The following TMEM132B variants were observed in gnomAD, a reference collection of about 807,000 sequenced individuals.
The protein encoded by TMEM132B is transmembrane protein 132B.
In TMEM132B, 18 loss-of-function variants were observed where a neutral mutation model predicts 90.8. The ratio of observed to expected loss-of-function variants is 0.20; its 90% CI spans 0.14 to 0.29. TMEM132B has a LOEUF of 0.29. TMEM132B is among the 10% of genes least tolerant of loss of function. The pLI, the probability that TMEM132B is intolerant of heterozygous loss-of-function variation, is 1.00. For missense variants in TMEM132B, 1,096 were observed against 1,326.8 expected (o/e 0.83, Z 2.70); for synonymous variants, 504 against 523.3 (o/e 0.96, Z 0.50).
Position 125,469,960 on chromosome 12 carries a change from G to A in TMEM132B, c.1107-49479G>A, listed in dbSNP as rs548035833. Among the ~76,000 whole-genome samples the A allele has an allele frequency of 1.1e-4, 17 of 152,136 alleles. 1 individual carries two copies. Among genetic ancestry groups the A allele is most frequent in the Non-Finnish European group, 2.4e-4 (16 of 68,026 alleles). The stretch of plus-strand genomic sequence containing the variant: ...TGTTTAGCAGTGGGTCATCACCAAG[G>A]CAGGGAGGCTGCATCACTCCCAATA... On this transcript the variant is annotated intron_variant, in intron 3 of 8. Transcript: ENST00000682704.
intron 4 of TMEM132B, among the ~76,000 whole-genome samples, chr12:125,550,665 G>C (rs1884204585): frequency 6.6e-6 from 1 of 152,082 alleles, no homozygotes; most frequent in Non-Finnish European, 1.5e-5. Context: ...AGCTGATTAG[G>C]GTATTAAGTG....
intron 3 of TMEM132B, among the ~76,000 whole-genome samples, chr12:125,499,022 G>A (rs982052116): frequency 6.6e-6 from 1 of 152,206 alleles, no homozygotes; most frequent in Non-Finnish European, 1.5e-5. Context: ...CATTAATTGA[G>A]CCAATTCATC....
At chr12:125,295,560 G>GACAGAC (rs1875653644) in intron 1 of TMEM132B, among the ~76,000 whole-genome samples, 2 of 152,166 alleles carry the variant, frequency 1.3e-5, no homozygotes, top group Non-Finnish European at 2.9e-5. Flanking sequence ...CAGAGACAGA[G>GACAGAC]ACAGAGACAG....
At chr12:125,581,695 A>G (rs926406772) in intron 4 of TMEM132B, among the ~76,000 whole-genome samples, 2 of 149,862 alleles carry the variant, frequency 1.3e-5, no homozygotes, top group Admixed American at 6.7e-5. Flanking sequence ...CCCACCACAC[A>G]CAAAAAATAC....
At chr12:125,588,176 T>C (rs1051368416) in intron 5 of TMEM132B, 2 of 152,334 alleles carry the variant, frequency 1.3e-5, no homozygotes, top group Admixed American at 6.5e-5. Flanking sequence ...TGACTCCACC[T>C]TCCTCACCGT....
At chr12:125,597,681 T>C (rs1354169484) in intron 5 of TMEM132B, among the ~76,000 whole-genome samples, 1 of 152,198 alleles carries the variant, frequency 6.6e-6, no homozygotes, top group Non-Finnish European at 1.5e-5. Context: ...TTCAGCAGCT[T>C]CATAAGAGAC....
At position 125,209,375 on chromosome 12, in the gene TMEM132B, C is replaced by T. The variant is rs527842445; in HGVS notation, c.67+22509C>T. 4.9e-4 allele frequency among the ~76,000 whole-genome samples: 74 copies of T among 152,342 alleles called. No homozygotes were observed. The highest frequency in any genetic ancestry group is 1.7e-3 in the African/African-American group (72 of 41,568). ...TGTGTACCTTTGTCCCAGCCTGGGA[C>T]AGCAGACGCTAGCAGTGGCAGCAGA... On this transcript the variant is annotated intron_variant, in intron 1 of 8. Transcript: ENST00000682704. The surrounding 1 kb of genome is among the most constrained non-coding windows in gnomAD (Gnocchi z 4.4).
At chr12:125,450,845 G>T (rs1177281274) in intron 3 of TMEM132B, among the ~76,000 whole-genome samples, 1 of 152,164 alleles carries the variant, frequency 6.6e-6, no homozygotes, top group Non-Finnish European at 1.5e-5. Flanking sequence ...TTGCCCCCAG[G>T]TTTGATTCTC....
Position 125,653,991 on chromosome 12 carries a change from C to G in TMEM132B, c.2533C>G (p.Gln845Glu). 7 of 1,614,120 alleles carry G rather than the reference C, an allele frequency of 4.3e-6. No individual in the cohort carries two copies. The highest frequency in any genetic ancestry group is 5.9e-6 in the Non-Finnish European group (7 of 1,180,030). The change falls in exon 9 of 9, where the codon CAA (glutamine) becomes GAA (glutamate). Residue 845 changes from glutamine to glutamate, a missense_variant. Transcript: ENST00000682704. Reference sequence around the variant, plus strand: ...GTTCCACCGTGGCACACCTGTTGGCCAAGAGGAAAGTACCAACAAAAGCAC... The same window carrying G: ...GTTCCACCGTGGCACACCTGTTGGCGAAGAGGAAAGTACCAACAAAAGCAC... Reference protein sequence around the residue: ...EWFHRGTPVGQEESTNKSTTP... With the variant: ...EWFHRGTPVGEEESTNKSTTP...
chr12:125,314,450 CAG>C (rs1278916391), intron 1 of TMEM132B, among the ~76,000 whole-genome samples: 2 of 152,172 alleles, frequency 1.3e-5, no homozygotes, highest in Non-Finnish European at 2.9e-5. Context: ...AGGCGAGGAA[CAG>C]GGGAAAAGTG....
At chr12:125,543,165 C>T (rs1055397053) in intron 4 of TMEM132B, among the ~76,000 whole-genome samples, 1 of 152,216 alleles carries the variant, frequency 6.6e-6, no homozygotes, top group Non-Finnish European at 1.5e-5. Context: ...GAAGTCCAGA[C>T]AGTCTCTGTC....
chr12:125,642,290 C>T (rs1405692083), intron 5 of TMEM132B, among the ~76,000 whole-genome samples: 1 of 152,338 alleles, frequency 6.6e-6, no homozygotes, highest in East Asian at 1.9e-4. Context: ...TCTGATTATT[C>T]TCTTTACAGT....
intron 4 of TMEM132B, among the ~76,000 whole-genome samples, chr12:125,564,943 A>G (rs1353053192): frequency 2.6e-5 from 4 of 152,124 alleles, no homozygotes; most frequent in Non-Finnish European, 5.9e-5. Context: ...GGAGGTGTGA[A>G]GGATGAGTAG....
At chr12:125,275,379 T>C (rs921554986) in intron 1 of TMEM132B, among the ~76,000 whole-genome samples, 4 of 152,218 alleles carry the variant, frequency 2.6e-5, no homozygotes, top group Non-Finnish European at 5.9e-5. Context: ...CAGGAAGTTA[T>C]TGGTAGCACC....
chr12:125,274,991 C>T (rs191048287), intron 1 of TMEM132B, among the ~76,000 whole-genome samples: 17 of 152,218 alleles, frequency 1.1e-4, no homozygotes, highest in Non-Finnish European at 1.6e-4. Flanking sequence ...TACAATAATC[C>T]GCAAAGCTAG....
At chr12:125,262,277 G>A (rs1251236841) in intron 1 of TMEM132B, among the ~76,000 whole-genome samples, 1 of 148,354 alleles carries the variant, frequency 6.7e-6, no homozygotes, top group Admixed American at 6.7e-5. Context: ...GGAAACCTTA[G>A]CCAGACCTGG....
At chr12:125,187,672 A>G (rs1957768032) in intron 1 of TMEM132B, among the ~76,000 whole-genome samples, 1 of 150,660 alleles carries the variant, frequency 6.6e-6, no homozygotes, top group Non-Finnish European at 1.5e-5. Flanking sequence ...ATAGTCAGGT[A>G]TTGTCTGTCT....
chr12:125,235,543 A>G (rs1473234987), intron 1 of TMEM132B, among the ~76,000 whole-genome samples: 1 of 151,914 alleles, frequency 6.6e-6, no homozygotes, highest in African/African-American at 2.4e-5. Flanking sequence ...AACGTTGTGC[A>G]ACCACCATCT....
chr12:125,557,102 A>G (rs1319575645), intron 4 of TMEM132B, among the ~76,000 whole-genome samples: 1 of 152,066 alleles, frequency 6.6e-6, no homozygotes, highest in Non-Finnish European at 1.5e-5. Flanking sequence ...TCATATACAC[A>G]CTTACTCCCA....
Sources: gnomAD v4.1 joint callset for allele counts (sites outside exome capture counted in the v4.1 genomes callset) on GRCh38, gnomAD v4.1.1 for gene constraint, Gnocchi (gnomAD v3.1) non-coding constraint, MANE v1.5 for transcripts, NCBI Gene and HGNC (gene_info 2026-07-23, HGNC 2026-07-21) for gene names.